The following OR52A1 variants were observed in gnomAD, a reference collection of about 807,000 sequenced individuals.
The protein encoded by OR52A1 is olfactory receptor family 52 subfamily A member 1.
OR52A1 carries 14 observed loss-of-function variants against 14.3 expected under a neutral mutation model. The observed-to-expected ratio is 0.98, with a 90% CI of 0.65 to 1.54. OR52A1 has a LOEUF of 1.54. OR52A1 is among the 40% of genes most tolerant of loss of function. OR52A1 has a pLI of 0.00. For synonymous variants in OR52A1, 151 were observed against 135.3 expected, an observed-to-expected ratio of 1.12 and a Z score of -0.80; for missense variants, 405 against 381.3, an observed-to-expected ratio of 1.06 and a Z score of -0.52.
At position 5,149,596 on chromosome 11, in the gene OR52A1, A is replaced by G. The variant is rs1846519714; in HGVS notation, c.*1835T>C. On this transcript the variant is annotated 3_prime_UTR_variant, in exon 2 of 2. Coordinates refer to ENST00000380367, the MANE Select transcript of OR52A1 (RefSeq NM_012375.3). ...TTAATATTGTTTGAATTTCATAAAAATTATTTGTGGACATACATTTTTCTA... is the reference window on the plus strand; with the variant it reads ...TTAATATTGTTTGAATTTCATAAAAGTTATTTGTGGACATACATTTTTCTA... The G allele has an allele frequency of 6.6e-6, 1 of 152,198 alleles. No homozygotes were observed. The highest frequency in any genetic ancestry group is 2.4e-5 in the African/African-American group (1 of 41,472). The allele number at this position is 152,198 out of a possible 1,614,324, so 9.4% of individuals were successfully genotyped here.
chr11:5,152,099 C>T lies in OR52A1; in HGVS notation c.271G>A (p.Val91Met). 2 of 1,614,054 alleles carry T rather than the reference C, an allele frequency of 1.2e-6. No individual in the cohort carries two copies. Among genetic ancestry groups the T allele is most frequent in the South Asian group, 1.1e-5 (1 of 91,074 alleles). Residue 91 changes from valine to methionine, a missense_variant, in exon 2 of 2, where the codon GTG (valine) becomes ATG (methionine). Val to Met is a conservative substitution (Grantham distance 21). Coordinates refer to ENST00000380367, the MANE Select transcript of OR52A1 (RefSeq NM_012375.3). ...CAGGAATCAAAATAGATTTCAGGCACATTAAACCAGAATATTCCAAGCATC... is the reference window on the plus strand; with the variant it reads ...CAGGAATCAAAATAGATTTCAGGCATATTAAACCAGAATATTCCAAGCATC... ...PKMLGIFWFNVPEIYFDSCLL... is the reference protein window; with the variant it reads ...PKMLGIFWFNMPEIYFDSCLL...
chr11:5,154,500 T>C lies in OR52A1; in HGVS notation c.-375A>G, dbSNP rs932785540. On this transcript the variant is annotated 5_prime_UTR_variant, in exon 1 of 2. Transcript: ENST00000380367. ...TCATTCCCTTAAGTTGTGGGTTCTG[T>C]GATGGCTCTACTTTCTGTCTGCACT... The C allele has an allele frequency of 6.6e-6, 1 of 152,250 alleles. No individual in the cohort carries two copies. 9.4% of individuals were successfully genotyped at this position (152,250 alleles called of 1,614,324 possible).
At position 5,150,143 on chromosome 11, in the gene OR52A1, C is replaced by G. The variant is rs1846523942; in HGVS notation, c.*1288G>C. 6.6e-6 allele frequency: 1 copy of G among 151,952 alleles called. No homozygotes were observed. Among genetic ancestry groups the G allele is most frequent in the African/African-American group, 2.4e-5 (1 of 41,356 alleles). The allele number at this position is 151,952 out of a possible 1,614,324, so 9.4% of individuals were successfully genotyped here. On this transcript the variant is annotated 3_prime_UTR_variant, in exon 2 of 2. Coordinates refer to ENST00000380367, the MANE Select transcript of OR52A1 (RefSeq NM_012375.3). ...ACTAATTTTAGACAATATAGTCCTC[C>G]TCTTCACTAACACAATAGCCCTAGA...
At position 5,151,328 on chromosome 11, in the gene OR52A1, G is replaced by A. The variant is rs1174655737; in HGVS notation, c.*103C>T. ...TCTAAAACCAGCTATTGTGCTGGCA[G>A]ATTTCACAAACCCAGCATCTCAAAT... On this transcript the variant is annotated 3_prime_UTR_variant, in exon 2 of 2. Transcript: ENST00000380367. The A allele has an allele frequency of 2.1e-6, 2 of 964,076 alleles. No individual in the cohort carries two copies. The highest frequency in any genetic ancestry group is 4.8e-5 in the East Asian group (2 of 41,708). 59.7% of individuals were successfully genotyped at this position (964,076 alleles called of 1,614,324 possible).
rs1282013518 is a variant in OR52A1 at position 5,148,313 on chromosome 11, C to T, written c.*3118G>A. On this transcript the variant is annotated 3_prime_UTR_variant, in exon 2 of 2. Coordinates refer to ENST00000380367, the MANE Select transcript of OR52A1 (RefSeq NM_012375.3). ...CCATCTCGGGTCACCGCAACCTCCG[C>T]CCTCCGAGTTCAAGCAATTCTCCTG... 2 of 151,998 alleles carry T rather than the reference C, an allele frequency of 1.3e-5. No individual in the cohort carries two copies. Among genetic ancestry groups the T allele is most frequent in the Non-Finnish European group, 2.9e-5 (2 of 68,104 alleles). 9.4% of individuals were successfully genotyped at this position (151,998 alleles called of 1,614,324 possible). A position where few individuals can be genotyped will look rare whatever the true frequency, so the allele number is the denominator to read the frequency against.
At position 5,147,815 on chromosome 11, in the gene OR52A1, C is replaced by CA. The variant is rs1225125538; in HGVS notation, c.*3615dup. On this transcript the variant is annotated 3_prime_UTR_variant, in exon 2 of 2. Coordinates refer to ENST00000380367, the MANE Select transcript of OR52A1 (RefSeq NM_012375.3). The stretch of plus-strand genomic sequence containing the variant: ...TGTATTTTTTTTTTTTTTTCGGAGA[C>CA]AGAGTCTTGCTCTGTCGCCCAGGCT... 1.4e-5 allele frequency: 2 copies of CA among 146,526 alleles called. No homozygotes were observed. Among genetic ancestry groups the CA allele is most frequent in the African/African-American group, 5.1e-5 (2 of 39,372 alleles). 9.1% of individuals were successfully genotyped at this position (146,526 alleles called of 1,614,324 possible).
rs1293463785 is a variant in OR52A1 at position 5,147,866 on chromosome 11, C to T, written c.*3565G>A. On this transcript the variant is annotated 3_prime_UTR_variant, in exon 2 of 2. Transcript: ENST00000380367. ...GGAGTGCAGTGGAGACATCTCGACTCACCGCAACTTCTGCCTCCCGGGTTC... is the reference window on the plus strand; with the variant it reads ...GGAGTGCAGTGGAGACATCTCGACTTACCGCAACTTCTGCCTCCCGGGTTC... 1 of 151,072 alleles carries T rather than the reference C, an allele frequency of 6.6e-6. No individual in the cohort carries two copies. The highest frequency in any genetic ancestry group is 2.4e-5 in the African/African-American group (1 of 41,040). 9.4% of individuals were successfully genotyped at this position (151,072 alleles called of 1,614,324 possible). A position where few individuals can be genotyped will look rare whatever the true frequency, so the allele number is the denominator to read the frequency against.
chr11:5,151,326 C>G lies in OR52A1; in HGVS notation c.*105G>C, dbSNP rs983281894. On this transcript the variant is annotated 3_prime_UTR_variant, in exon 2 of 2. Transcript: ENST00000380367. ...GATCTAAAACCAGCTATTGTGCTGG[C>G]AGATTTCACAAACCCAGCATCTCAA... is the stretch of plus-strand genomic sequence containing the variant. The G allele has an allele frequency of 2.5e-5, 23 of 918,524 alleles. No homozygotes were observed. In the African/African-American group the frequency reaches 3.8e-4, roughly 15 times the overall value. The allele number at this position is 918,524 out of a possible 1,614,324, so 56.9% of individuals were successfully genotyped here.
chr11:5,152,383 C>A lies in OR52A1; in HGVS notation c.-14G>T, dbSNP rs1160454249. ...GGAAATGGACATAGTGTCGTTGGGT[C>A]TCCTGATGCAAACAAAAGAAGTTTC... On this transcript the variant is annotated 5_prime_UTR_variant, in exon 2 of 2. Coordinates refer to ENST00000380367, the MANE Select transcript of OR52A1 (RefSeq NM_012375.3). The A allele has an allele frequency of 1.9e-6, 3 of 1,552,538 alleles. No homozygotes were observed. The highest frequency in any genetic ancestry group is 1.2e-5 in the South Asian group (1 of 83,418).
At position 5,149,011 on chromosome 11, in the gene OR52A1, TC is replaced by T. The variant is rs1846513698; in HGVS notation, c.*2419del. ...TAATTTTATGATTTCTAGAAACCTT[TC>T]TTGAAAATTATCCTTACAAAAAATA... is the stretch of plus-strand genomic sequence containing the variant. On this transcript the variant is annotated 3_prime_UTR_variant, in exon 2 of 2. Coordinates refer to ENST00000380367, the MANE Select transcript of OR52A1 (RefSeq NM_012375.3). 1 of 152,234 alleles carries T rather than the reference TC, an allele frequency of 6.6e-6. No individual in the cohort carries two copies. The highest frequency in any genetic ancestry group is 1.5e-5 in the Non-Finnish European group (1 of 68,032). 9.4% of individuals were successfully genotyped at this position (152,234 alleles called of 1,614,324 possible).
In OR52A1 at chr11:5,149,483, C is replaced by T. The variant is rs563075381; in HGVS notation, c.*1948G>A. 6 of 151,856 alleles carry T rather than the reference C, an allele frequency of 4.0e-5. No homozygotes were observed. The East Asian group carries it at 1.2e-3, about 29-fold the overall frequency. 9.4% of individuals were successfully genotyped at this position (151,856 alleles called of 1,614,324 possible). ...ATGGGGAAACTCTAACTTTCAGCTA[C>T]ACTTTGTTACTCTGTAGAAAAAAAA... On this transcript the variant is annotated 3_prime_UTR_variant, in exon 2 of 2. Transcript: ENST00000380367.
Position 5,147,942 on chromosome 11 carries a change from T to G in OR52A1, c.*3489A>C, listed in dbSNP as rs1175231623. The G allele has an allele frequency of 2.6e-5, 4 of 151,916 alleles. No individual in the cohort carries two copies. The highest frequency in any genetic ancestry group is 9.6e-5 in the African/African-American group (4 of 41,458). 9.4% of individuals were successfully genotyped at this position (151,916 alleles called of 1,614,324 possible). A position where few individuals can be genotyped will look rare whatever the true frequency, so the allele number is the denominator to read the frequency against. ...GGAGTAGCTAGGAATCACTTGCATT[T>G]TTAATACTGTTTAAATACAGGCATA... On this transcript the variant is annotated 3_prime_UTR_variant, in exon 2 of 2. Transcript: ENST00000380367.
At position 5,149,029 on chromosome 11, in the gene OR52A1, C is replaced by A. The variant is rs1197842774; in HGVS notation, c.*2402G>T. ...AAACCTTTCTTGAAAATTATCCTTACAAAAAATATTATTATCTTTCAAGCA... is the reference window on the plus strand; with the variant it reads ...AAACCTTTCTTGAAAATTATCCTTAAAAAAAATATTATTATCTTTCAAGCA... On this transcript the variant is annotated 3_prime_UTR_variant, in exon 2 of 2. Transcript: ENST00000380367. 6.6e-6 allele frequency: 1 copy of A among 152,100 alleles called. No individual in the cohort carries two copies. The highest frequency in any genetic ancestry group is 1.5e-5 in the Non-Finnish European group (1 of 68,004). The allele number at this position is 152,100 out of a possible 1,614,324, so 9.4% of individuals were successfully genotyped here.
At chr11:5,153,356 A>C (rs1001967010) in intron 1 of OR52A1, among the ~76,000 whole-genome samples, 1 of 152,236 alleles carries the variant, frequency 6.6e-6, no homozygotes, top group Non-Finnish European at 1.5e-5. Context: ...AGATGCTTAT[A>C]TAATTTTGTG....
rs765047426 is a variant in OR52A1, at chr11:5,151,497, A to G, written c.873T>C (p.Asn291=). Residue 291 remains asparagine, a synonymous_variant, in exon 2 of 2, where the codon AAT becomes AAC. Transcript: ENST00000380367. ...TGGTCTTTGCACCATAGACAAGTGGATTGAGAAATGGAGGGACCAGCAAGT... is the reference window on the plus strand; with the variant it reads ...TGGTCTTTGCACCATAGACAAGTGGGTTGAGAAATGGAGGGACCAGCAAGT... ...SIYLLVPPFL[N]PLVYGAKTTQ... is the part of the protein sequence containing the mutation. 6.8e-6 allele frequency: 11 copies of G among 1,614,122 alleles called. No homozygotes were observed. The South Asian group carries it at 9.9e-5, about 14-fold the overall frequency.
chr11:5,151,758 A>G lies in OR52A1; in HGVS notation c.612T>C (p.Phe204=). The change falls in exon 2 of 2, where the codon TTT becomes TTC. Residue 204 remains phenylalanine (F), a synonymous_variant. Transcript: ENST00000380367. ...NVQVNKIYGL[F]VAFTVAGFDL... Reference sequence around the variant, plus strand: ...CAAATCCTGCTACAGTGAAGGCCACAAACAAACCATAGATTTTGTTGACTT... The same window carrying G: ...CAAATCCTGCTACAGTGAAGGCCACGAACAAACCATAGATTTTGTTGACTT... The G allele has an allele frequency of 1.2e-6, 2 of 1,614,208 alleles. No individual in the cohort carries two copies. Among genetic ancestry groups the G allele is most frequent in the Non-Finnish European group, 1.7e-6 (2 of 1,180,022 alleles).
In OR52A1 at chr11:5,154,462, A is replaced by C. The variant is rs1846586768; in HGVS notation, c.-337T>G. 1.3e-5 allele frequency: 2 copies of C among 152,186 alleles called. No homozygotes were observed. Among genetic ancestry groups the C allele is most frequent in the African/African-American group, 4.8e-5 (2 of 41,434 alleles). 9.4% of individuals were successfully genotyped at this position (152,186 alleles called of 1,614,324 possible). A position where few individuals can be genotyped will look rare whatever the true frequency, so the allele number is the denominator to read the frequency against. The stretch of plus-strand genomic sequence containing the variant: ...CATCACTCACCAATTTTTCTTCTCC[A>C]AGGATTCCAGCTTCATTCCCTTAAG... On this transcript the variant is annotated 5_prime_UTR_variant, in exon 1 of 2. Coordinates refer to ENST00000380367, the MANE Select transcript of OR52A1 (RefSeq NM_012375.3).
intron 1 of OR52A1, among the ~76,000 whole-genome samples, 180 bp downstream of exon 1, chr11:5,154,267 G>T (rs1483874505): frequency 6.6e-6 from 1 of 152,162 alleles, no homozygotes; most frequent in Non-Finnish European, 1.5e-5. Context: ...GGTGGTGTAT[G>T]TAAGTTCCTG....
Position 5,152,362 on chromosome 11 carries a change from A to C in OR52A1, c.8T>G (p.Ile3Ser). 1 of 1,596,724 alleles carries C rather than the reference A, an allele frequency of 6.3e-7. No homozygotes were observed. Among genetic ancestry groups the C allele is most frequent in the Non-Finnish European group, 8.6e-7 (1 of 1,167,396 alleles). ...GGGCATGTAGACTGTGATGTTGGAA[A>C]TGGACATAGTGTCGTTGGGTCTCCT... MSISNITVYMPSV... is the reference protein window; with the variant it reads MSSSNITVYMPSV... The change falls in exon 2 of 2, where the codon ATT becomes AGT. Residue 3 changes from isoleucine (I) to serine (S), a missense_variant. Ile to Ser is a moderately radical substitution (Grantham distance 142). Transcript: ENST00000380367.
Sources: gnomAD v4.1 joint callset for allele counts (sites outside exome capture counted in the v4.1 genomes callset) on GRCh38, gnomAD v4.1.1 for gene constraint, MANE v1.5 for transcripts, NCBI Gene and HGNC (gene_info 2026-07-23, HGNC 2026-07-21) for gene names.